Variants in SH3BP5L observed in about 807,000 individuals in gnomAD.
The protein encoded by SH3BP5L is SH3 domain-binding protein 5-like.
Under a neutral mutation model 40.9 loss-of-function variants are expected in SH3BP5L, and 16 were observed. The ratio of observed to expected loss-of-function variants is 0.39; its 90% CI spans 0.27 to 0.59. SH3BP5L has a LOEUF of 0.59. Ranked by LOEUF, SH3BP5L falls within the 20% of genes least tolerant of loss-of-function variation. The pLI is 0.53. For synonymous variants in SH3BP5L, 229 were observed against 226.7 expected (o/e 1.01, Z -0.09); for missense variants, 471 against 544.6 (o/e 0.86, Z 1.35).
In SH3BP5L at chr1:248,813,125, C is replaced by A. The variant is rs750218043; in HGVS notation, c.575G>T (p.Arg192Leu). Residue 192 changes from arginine (R) to leucine (L), a missense_variant, in exon 6 of 7, where the codon CGG becomes CTG. By Grantham distance (102) the Arg-to-Leu change is moderately radical. Coordinates refer to ENST00000366472, the MANE Select transcript of SH3BP5L (RefSeq NM_030645.3). ...CAGCCGAGTCACTCGCTGGTGCTCC[C>A]GCTCACCTCGAAGCCGCTCTTCCTC... ...EAEEERLRGE[R>L]EHQRVTRLCQ... 6.2e-7 allele frequency: 1 copy of A among 1,607,914 alleles called. No homozygotes were observed. Among genetic ancestry groups the A allele is most frequent in the Non-Finnish European group, 8.5e-7 (1 of 1,176,822 alleles).
rs1007117253 is a variant in SH3BP5L, at chr1:248,811,719, G to A, written c.*181C>T. The A allele has an allele frequency of 1.4e-5, 8 of 563,920 alleles. No homozygotes were observed. Among genetic ancestry groups the A allele is most frequent in the Non-Finnish European group, 2.5e-5 (8 of 321,118 alleles). 34.9% of individuals were successfully genotyped at this position (563,920 alleles called of 1,614,324 possible). A position where few individuals can be genotyped will look rare whatever the true frequency, so the allele number is the denominator to read the frequency against. On this transcript the variant is annotated 3_prime_UTR_variant, in exon 7 of 7. Transcript: ENST00000366472. Reference sequence around the variant, plus strand: ...AGAGAGCCGCCTGCTGAGGGGAAGGGGGAGGCTGTGAGAACGCCAGGGCAG... The same window carrying A: ...AGAGAGCCGCCTGCTGAGGGGAAGGAGGAGGCTGTGAGAACGCCAGGGCAG...
intron 4 of SH3BP5L, chr1:248,815,989 A>C (rs1664095594): frequency 6.4e-6 from 1 of 156,802 alleles, no homozygotes; most frequent in Non-Finnish European, 1.4e-5. Context: ...GGATGACAAC[A>C]AATCCCAGGA....
At chr1:248,813,230 C>T (rs1664005126) in intron 5 of SH3BP5L, 68 bp from the exon 6 acceptor site, 13 of 1,421,764 alleles carry the variant, frequency 9.1e-6, no homozygotes, top group Non-Finnish European at 1.2e-5. Flanking sequence ...CCCAGGCTGC[C>T]AATCTGAACA....
At chr1:248,813,307 C>G (rs972061395) in intron 5 of SH3BP5L, 145 bp from the exon 6 acceptor site, 12 of 780,258 alleles carry the variant, frequency 1.5e-5, no homozygotes, top group Non-Finnish European at 2.2e-5. Context: ...GAGCCCGAGA[C>G]ACGCAGGGGA....
chr1:248,819,702 C>CAAAAAAAAAAA (rs34840808), intron 2 of SH3BP5L, among the ~76,000 whole-genome samples: 1 of 72,732 alleles, frequency 1.4e-5, no homozygotes, highest in African/African-American at 4.7e-5. Context: ...GACTCAGTCT[C>CAAAAAAAAAAA]AAAAAAAAAA....
rs1663934504 is a variant in SH3BP5L at position 248,811,785 on chromosome 1, C to T, written c.*115G>A. Reference sequence around the variant, plus strand: ...ACACAGCTGGCCTCTCCCAGGGAAGCACTGGAGAAGGGGACCTTCGGGAAG... The same window carrying T: ...ACACAGCTGGCCTCTCCCAGGGAAGTACTGGAGAAGGGGACCTTCGGGAAG... On this transcript the variant is annotated 3_prime_UTR_variant, in exon 7 of 7. Coordinates refer to ENST00000366472, the MANE Select transcript of SH3BP5L (RefSeq NM_030645.3). The T allele has an allele frequency of 1.3e-6, 1 of 782,762 alleles. No individual in the cohort carries two copies. 48.5% of individuals were successfully genotyped at this position (782,762 alleles called of 1,614,324 possible).
intron 4 of SH3BP5L, 31 bp downstream of exon 4, chr1:248,816,503 G>C: frequency 1.9e-6 from 3 of 1,613,018 alleles, no homozygotes; most frequent in Non-Finnish European, 2.5e-6. Flanking sequence ...TCAGCACGTA[G>C]CCTTCCTCAA....
At chr1:248,814,927 C>A in intron 4 of SH3BP5L, 1 of 425,698 alleles carries the variant, frequency 2.3e-6, no homozygotes, top group East Asian at 5.6e-5. Context: ...AGGTGGTTAG[C>A]AACATAGACA....
intron 2 of SH3BP5L, among the ~76,000 whole-genome samples, chr1:248,823,678 CAG>C (rs567299732): frequency 4.4e-4 from 67 of 152,328 alleles, no homozygotes; most frequent in East Asian, 1.3e-3. Flanking sequence ...GGAACCCACA[CAG>C]AGAGTGAAGG....
At position 248,825,327 on chromosome 1, in the gene SH3BP5L, G is replaced by A. The variant is rs982898521; in HGVS notation, c.-392C>T. ...TGGTGGCAGCTGGAGAGAGAAGGCT[G>A]GGCCCGAGCTGAGGCTGTAGGATGA... On this transcript the variant is annotated 5_prime_UTR_variant, in exon 2 of 7. Coordinates refer to ENST00000366472, the MANE Select transcript of SH3BP5L (RefSeq NM_030645.3). 47 of 1,008,988 alleles carry A rather than the reference G, an allele frequency of 4.7e-5. No individual in the cohort carries two copies. In the African/African-American group the frequency reaches 7.3e-4, roughly 16 times the overall value. 62.5% of individuals were successfully genotyped at this position (1,008,988 alleles called of 1,614,324 possible).
intron 2 of SH3BP5L, among the ~76,000 whole-genome samples, chr1:248,824,315 G>C (rs904943536): frequency 2.0e-5 from 3 of 152,208 alleles, no homozygotes; most frequent in Non-Finnish European, 4.4e-5. Flanking sequence ...GAGAAGGTGA[G>C]AAAGGGGAAA....
At chr1:248,820,279 C>A (rs1338454056) in intron 2 of SH3BP5L, 1 of 152,298 alleles carries the variant, frequency 6.6e-6, no homozygotes, top group East Asian at 1.9e-4. Context: ...AGCATCAACA[C>A]TACCAGACAC....
In SH3BP5L at chr1:248,821,840, C is replaced by T. The variant is rs1008137534; in HGVS notation, c.183+2913G>A. ...CTTCCTTCTAACTTCCAGAGGAATC[C>T]CACCATAAATGGCCATGGAGCTGCC... is the stretch of plus-strand genomic sequence containing the variant. On this transcript the variant is annotated intron_variant, in intron 2 of 6. Coordinates refer to ENST00000366472, the MANE Select transcript of SH3BP5L (RefSeq NM_030645.3). This position sits in a 1 kb window ranked among gnomAD's most constrained non-coding sequence, Gnocchi z 4.6. Among the ~76,000 whole-genome samples the T allele has an allele frequency of 2.0e-5, 3 of 152,160 alleles. No homozygotes were observed. Among genetic ancestry groups the T allele is most frequent in the African/African-American group, 7.2e-5 (3 of 41,436 alleles).
rs1418900674 is a variant in SH3BP5L, at chr1:248,824,805, C to T, written c.131G>A (p.Ser44Asn). The T allele has an allele frequency of 6.2e-7, 1 of 1,614,094 alleles. No individual in the cohort carries two copies. Among genetic ancestry groups the T allele is most frequent in the Non-Finnish European group, 8.5e-7 (1 of 1,180,036 alleles). ...CTCTCTTGGGGACAATTTGGCCTCA[C>T]TGCTGCTGCTTCCACCTCCTCCAGG... ...EEPGGGGSSS[S>N]EAKLSPREEE... is the part of the protein sequence containing the mutation. Residue 44 changes from serine to asparagine, a missense_variant, in exon 2 of 7, where the codon AGT becomes AAT. Ser to Asn is a conservative substitution (Grantham distance 46). Transcript: ENST00000366472.
At position 248,825,817 on chromosome 1, in the gene SH3BP5L, C is replaced by G. The variant is rs1274239326; in HGVS notation, c.-432+18G>C. Reference sequence around the variant, plus strand: ...CATTCTACCCAGCCATGCGCAAAAGCCCCCCGCACAGCCTTACCTCAGTTT... The same window carrying G: ...CATTCTACCCAGCCATGCGCAAAAGGCCCCCGCACAGCCTTACCTCAGTTT... On this transcript the variant is annotated intron_variant, in intron 1 of 6. Coordinates refer to ENST00000366472, the MANE Select transcript of SH3BP5L (RefSeq NM_030645.3). 13 of 749,922 alleles carry G rather than the reference C, an allele frequency of 1.7e-5. No homozygotes were observed. The highest frequency in any genetic ancestry group is 2.0e-5 in the Non-Finnish European group (13 of 636,662). 46.5% of individuals were successfully genotyped at this position (749,922 alleles called of 1,614,324 possible).
chr1:248,812,062 C>T lies in SH3BP5L; in HGVS notation c.1020G>A (p.Thr340=), dbSNP rs1663953319. 6.8e-6 allele frequency: 11 copies of T among 1,612,958 alleles called. No homozygotes were observed. Among genetic ancestry groups the T allele is most frequent in the Non-Finnish European group, 9.3e-6 (11 of 1,179,622 alleles). The stretch of plus-strand genomic sequence containing the variant: ...CGCACTTCTGCAGGTCTGAAGCCAC[C>T]GTGCGCAGGCTCAGCAGACTCAGGG... The part of the protein sequence containing the change: ...TDTLSLLSLR[T]VASDLQKCDS... The change falls in exon 7 of 7, where the codon ACG becomes ACA. Residue 340 remains threonine (T), a synonymous_variant. Coordinates refer to ENST00000366472, the MANE Select transcript of SH3BP5L (RefSeq NM_030645.3). This position sits in a 1 kb window ranked among gnomAD's most constrained non-coding sequence, Gnocchi z 6.1.
In SH3BP5L at chr1:248,812,423, C is replaced by T. The variant is rs988027315; in HGVS notation, c.712-53G>A. 8 of 1,415,346 alleles carry T rather than the reference C, an allele frequency of 5.7e-6. No homozygotes were observed. The Admixed American group carries it at 8.8e-5, about 16-fold the overall frequency. The allele number at this position is 1,415,346 out of a possible 1,614,324, so 87.7% of individuals were successfully genotyped here. A position where few individuals can be genotyped will look rare whatever the true frequency, so the allele number is the denominator to read the frequency against. Reference sequence around the variant, plus strand: ...ACCCATGGGGCACGTCTCCACCTTCCTCAGCACTCTGCACTGAGGTCTGAG... The same window carrying T: ...ACCCATGGGGCACGTCTCCACCTTCTTCAGCACTCTGCACTGAGGTCTGAG... On this transcript the variant is annotated intron_variant, in intron 6 of 6. Coordinates refer to ENST00000366472, the MANE Select transcript of SH3BP5L (RefSeq NM_030645.3). The surrounding 1 kb of genome is among the most constrained non-coding windows in gnomAD (Gnocchi z 6.1).
chr1:248,820,829 T>C (rs1664239113), intron 2 of SH3BP5L: 1 of 152,238 alleles, frequency 6.6e-6, no homozygotes, highest in African/African-American at 2.4e-5. Flanking sequence ...CTGGATTCCA[T>C]GGCCTCAAAT....
intron 5 of SH3BP5L, 32 bp downstream of exon 5, chr1:248,814,417 C>T (rs138593337): frequency 1.9e-5 from 31 of 1,611,804 alleles, no homozygotes; most frequent in Admixed American, 1.3e-4. Context: ...CGAGAACCAG[C>T]GAAGGGGACC....
Sources: gnomAD v4.1 joint callset for allele counts (sites outside exome capture counted in the v4.1 genomes callset) on GRCh38, gnomAD v4.1.1 for gene constraint, Gnocchi (gnomAD v3.1) non-coding constraint, MANE v1.5 for transcripts, NCBI Gene and HGNC (gene_info 2026-07-23, HGNC 2026-07-21) for gene names.